ETV6: variants seen among roughly 807,000 people sequenced by gnomAD.
ETV6 encodes the protein transcription factor ETV6.
ETV6 carries 16 observed loss-of-function variants against 51.1 expected under a neutral mutation model. That is an observed-to-expected ratio of 0.31 (90% CI 0.21 to 0.48). The LOEUF (loss-of-function observed/expected upper bound fraction) is 0.48, where lower values mean the gene tolerates loss of function less well. ETV6 is among the 20% of genes least tolerant of loss of function. The pLI, the probability that ETV6 is intolerant of heterozygous loss-of-function variation, is 0.99. For synonymous variants in ETV6, 240 were observed against 224.1 expected (o/e 1.07, Z -0.64); for missense variants, 458 against 594.8 (o/e 0.77, Z 2.39).
chr12:11,803,576 T>A (rs559490398), intron 2 of ETV6, among the ~76,000 whole-genome samples: 1 of 152,224 alleles, frequency 6.6e-6, no homozygotes, highest in Non-Finnish European at 1.5e-5. Context: ...CTGCATGTAA[T>A]GTACTTATAA....
chr12:11,713,253 T>G (rs1045881645), intron 1 of ETV6, among the ~76,000 whole-genome samples: 1 of 152,204 alleles, frequency 6.6e-6, no homozygotes, highest in African/African-American at 2.4e-5. Context: ...TCTGATACAG[T>G]TCTTCTGCCC....
chr12:11,684,747 A>G (rs1338680473), intron 1 of ETV6, among the ~76,000 whole-genome samples: 5 of 152,216 alleles, frequency 3.3e-5, no homozygotes, highest in East Asian at 1.9e-4. Flanking sequence ...GCTAACGGTC[A>G]TGTTTTCATA....
chr12:11,726,842 C>T (rs1292271343), intron 1 of ETV6, among the ~76,000 whole-genome samples: 1 of 152,188 alleles, frequency 6.6e-6, no homozygotes, highest in Non-Finnish European at 1.5e-5. Context: ...AGAAATGACT[C>T]CTGTTTTCCA....
chr12:11,883,273 C>CTTCTTCTTCTTTTTT, intron 5 of ETV6, among the ~76,000 whole-genome samples: 1 of 12,538 alleles, frequency 8.0e-5, no homozygotes, highest in African/African-American at 1.9e-4. Context: ...ATCATGTCTT[C>CTTCTTCTTCTTTTTT]TTCTTTTTTT....
chr12:11,716,000 C>T (rs140269574), intron 1 of ETV6, among the ~76,000 whole-genome samples: 5 of 152,276 alleles, frequency 3.3e-5, no homozygotes, highest in Non-Finnish European at 5.9e-5. Context: ...AAGGAATTTG[C>T]GGAACACTCT....
chr12:11,836,200 C>T (rs560773332), intron 2 of ETV6, among the ~76,000 whole-genome samples: 1 of 152,220 alleles, frequency 6.6e-6, no homozygotes, highest in Non-Finnish European at 1.5e-5. Context: ...CAATTCTACA[C>T]CACAACCTTT....
At chr12:11,694,809 C>G (rs1053668178) in intron 1 of ETV6, among the ~76,000 whole-genome samples, 8 of 152,200 alleles carry the variant, frequency 5.3e-5, no homozygotes, top group African/African-American at 1.9e-4. Context: ...ATAAGACGTT[C>G]TTTTCCCTCC....
At chr12:11,716,519 A>T (rs188024172) in intron 1 of ETV6, 2 of 152,152 alleles carry the variant, frequency 1.3e-5, no homozygotes, top group East Asian at 3.9e-4. Flanking sequence ...AAGGTGGTTC[A>T]CTTTTGGCTG....
At chr12:11,751,643 T>C (rs1258302857) in intron 1 of ETV6, among the ~76,000 whole-genome samples, 1 of 152,222 alleles carries the variant, frequency 6.6e-6, no homozygotes, top group Admixed American at 6.5e-5. Flanking sequence ...CTTGTTTGAA[T>C]TCAAATGGAG....
chr12:11,713,753 C>T (rs2120893282), intron 1 of ETV6, among the ~76,000 whole-genome samples: 1 of 152,296 alleles, frequency 6.6e-6, no homozygotes, highest in South Asian at 2.1e-4. Context: ...TCTACATCCT[C>T]CCACTAGGAC....
At chr12:11,827,416 T>C (rs1946174150) in intron 2 of ETV6, among the ~76,000 whole-genome samples, 1 of 152,116 alleles carries the variant, frequency 6.6e-6, no homozygotes, top group Non-Finnish European at 1.5e-5. Context: ...AAACAGCATG[T>C]TCTAGAAAAG....
intron 4 of ETV6, among the ~76,000 whole-genome samples, chr12:11,867,364 C>T (rs949212498): frequency 6.6e-6 from 1 of 152,134 alleles, no homozygotes; most frequent in Admixed American, 6.6e-5. Flanking sequence ...TTTACTTTTA[C>T]GTAGTACTCC....
At chr12:11,790,559 C>T (rs574574543) in intron 2 of ETV6, among the ~76,000 whole-genome samples, 40 of 152,048 alleles carry the variant, frequency 2.6e-4, no homozygotes, top group South Asian at 1.9e-3. Flanking sequence ...CCTAGGAGCA[C>T]AGTGGGAGAA....
intron 1 of ETV6, among the ~76,000 whole-genome samples, chr12:11,733,407 C>CAAAAAAA (rs11394100): frequency 2.0e-5 from 2 of 101,050 alleles, no homozygotes; most frequent in South Asian, 3.2e-4. Context: ...GACTCCATCT[C>CAAAAAAA]AAAAAAAAAA....
chr12:11,651,919 G>A (rs1262379425), intron 1 of ETV6, among the ~76,000 whole-genome samples: 1 of 152,188 alleles, frequency 6.6e-6, no homozygotes, highest in Non-Finnish European at 1.5e-5. Context: ...TGGGCTTATG[G>A]TGGTGTGCTG....
intron 4 of ETV6, among the ~76,000 whole-genome samples, chr12:11,859,822 C>T (rs1946688175): frequency 6.6e-6 from 1 of 152,194 alleles, no homozygotes; most frequent in South Asian, 2.1e-4. Flanking sequence ...AAGCAGTTTT[C>T]AGGTCAGCTG....
chr12:11,796,882 G>T (rs1422908206), intron 2 of ETV6, among the ~76,000 whole-genome samples: 1 of 151,804 alleles, frequency 6.6e-6, no homozygotes, highest in Middle Eastern at 3.2e-3. Flanking sequence ...CACCTCCTGG[G>T]CTCAAGCAAT....
intron 1 of ETV6, among the ~76,000 whole-genome samples, chr12:11,672,705 A>AC (rs557921027): frequency 6.6e-6 from 1 of 152,146 alleles, no homozygotes; most frequent in South Asian, 2.1e-4. Context: ...AATCTCACTG[A>AC]CCCCCACCAC....
chr12:11,800,969 C>G (rs2723840), intron 2 of ETV6, among the ~76,000 whole-genome samples: 92,748 of 152,058 alleles, frequency 0.61, 28,320 homozygotes, highest in African/African-American at 0.68. Flanking sequence ...TTTTCTGAGA[C>G]TTTTCTAGAT....
Sources: gnomAD v4.1 joint callset for allele counts (sites outside exome capture counted in the v4.1 genomes callset) on GRCh38, gnomAD v4.1.1 for gene constraint, MANE v1.5 for transcripts, NCBI Gene and HGNC (gene_info 2026-07-23, HGNC 2026-07-21) for gene names.